Variants in ANKS1B observed in about 807,000 individuals in gnomAD.
ANKS1B encodes ankyrin repeat and sterile alpha motif domain-containing protein 1B.
ANKS1B carries 36 observed loss-of-function variants against 148.3 expected under a neutral mutation model. The ratio of observed to expected loss-of-function variants is 0.24; its 90% confidence interval spans 0.19 to 0.32. ANKS1B has a LOEUF of 0.32. Among genes scored for constraint, ANKS1B ranks in the 10% least tolerant of loss-of-function variants. The pLI is 1.00. For synonymous variants in ANKS1B, 542 were observed against 560.8 expected (o/e 0.97, Z 0.47); for missense variants, 1,157 against 1,542.6 (o/e 0.75, Z 4.19).
intron 11 of ANKS1B, among the ~76,000 whole-genome samples, chr12:99,414,411 A>G (rs1206868033): frequency 6.6e-6 from 1 of 152,220 alleles, no homozygotes; most frequent in Non-Finnish European, 1.5e-5. Flanking sequence ...TATTCACAAT[A>G]GCAAAGACTT....
chr12:99,426,999 T>C (rs78569968), intron 11 of ANKS1B, among the ~76,000 whole-genome samples: 2,947 of 152,290 alleles, frequency 0.019, 98 homozygotes, highest in African/African-American at 0.054. Flanking sequence ...TTCAACTCTA[T>C]GGTAAATATT....
intron 12 of ANKS1B, among the ~76,000 whole-genome samples, chr12:99,318,848 C>G (rs753042360): frequency 7.9e-5 from 12 of 151,880 alleles, no homozygotes; most frequent in Non-Finnish European, 1.8e-4. Flanking sequence ...TTAAATGTGT[C>G]CCAGAGATTC....
At chr12:99,655,843 G>A (rs973300937) in intron 8 of ANKS1B, among the ~76,000 whole-genome samples, 5 of 152,074 alleles carry the variant, frequency 3.3e-5, no homozygotes, top group South Asian at 2.1e-4. Context: ...GAAAACTTCT[G>A]GATAATGTTG....
At chr12:99,784,776 A>G (rs1426062259) in intron 4 of ANKS1B, among the ~76,000 whole-genome samples, 1 of 152,192 alleles carries the variant, frequency 6.6e-6, no homozygotes, top group African/African-American at 2.4e-5. Context: ...AACCATAAAC[A>G]TGTACGATAT....
intron 9 of ANKS1B, among the ~76,000 whole-genome samples, chr12:99,646,307 T>C (rs962388612): frequency 2.0e-5 from 3 of 152,120 alleles, no homozygotes; most frequent in African/African-American, 7.2e-5. Context: ...GTATCCAAAA[T>C]AATCAAACAT....
Position 99,369,261 on chromosome 12 carries a change from C to T in ANKS1B, c.1756+30370G>A, listed in dbSNP as rs939432737. Among the ~76,000 whole-genome samples, 7 of 152,218 alleles carry T rather than the reference C, an allele frequency of 4.6e-5. 1 individual carries two copies. In the Middle Eastern group the frequency reaches 0.01, roughly 222 times the overall value. Reference sequence around the variant, plus strand: ...TTGCCAAATGCTTAAGCTAGATGTGCCCAAGACTTTGGACCTAATATCCAG... The same window carrying T: ...TTGCCAAATGCTTAAGCTAGATGTGTCCAAGACTTTGGACCTAATATCCAG... On this transcript the variant is annotated intron_variant, in intron 12 of 26. Transcript: ENST00000683438.
chr12:99,763,222 A>G (rs1273610345), intron 8 of ANKS1B, among the ~76,000 whole-genome samples: 4 of 152,200 alleles, frequency 2.6e-5, no homozygotes, highest in African/African-American at 4.8e-5. Flanking sequence ...TCACAACAGC[A>G]AAGACATGGA....
In ANKS1B at chr12:98,744,673, TTTC is replaced by T. The variant is rs1352460273; in HGVS notation, c.*1063_*1065del. On this transcript the variant is annotated 3_prime_UTR_variant, in exon 27 of 27. Transcript: ENST00000683438. ...CAAGAAAAGTTTTATTACTTTGGAATTTCTTCTTTTTTTTTTTTGTATTTATTT... is the reference window on the plus strand; with the variant it reads ...CAAGAAAAGTTTTATTACTTTGGAATTTCTTTTTTTTTTTTGTATTTATTT... 3.4e-4 allele frequency: 323 copies of T among 944,018 alleles called. 1 individual carries two copies. The Admixed American group carries it at 3.9e-3, about 11-fold the overall frequency. 58.5% of individuals were successfully genotyped at this position (944,018 alleles called of 1,614,324 possible).
chr12:98,927,247 G>A (rs985670773), intron 17 of ANKS1B, among the ~76,000 whole-genome samples: 3 of 152,040 alleles, frequency 2.0e-5, no homozygotes, highest in South Asian at 2.1e-4. Context: ...TTTACATCCA[G>A]CAAAACCACC....
At chr12:99,802,876 C>T (rs1486714075) in intron 4 of ANKS1B, among the ~76,000 whole-genome samples, 1 of 150,682 alleles carries the variant, frequency 6.6e-6, no homozygotes, top group Non-Finnish European at 1.5e-5. Context: ...TGCACCACTG[C>T]CCTCCAGCCT....
chr12:99,654,215 CAT>C (rs138327635), intron 9 of ANKS1B, among the ~76,000 whole-genome samples: 154 of 152,238 alleles, frequency 1.0e-3, no homozygotes, highest in African/African-American at 3.6e-3. Flanking sequence ...ATGATACAGA[CAT>C]GTGGAAGACG....
At chr12:99,846,133 T>A (rs977843121) in intron 1 of ANKS1B, among the ~76,000 whole-genome samples, 1 of 152,134 alleles carries the variant, frequency 6.6e-6, no homozygotes. Flanking sequence ...CTTGGCTTTA[T>A]CTCTTGAAAA....
intron 1 of ANKS1B, among the ~76,000 whole-genome samples, chr12:99,979,908 T>C (rs1165360651): frequency 1.3e-5 from 2 of 152,004 alleles, no homozygotes; most frequent in African/African-American, 2.4e-5. Context: ...TTTGGGGATA[T>C]AGCACAGTGT....
intron 9 of ANKS1B, among the ~76,000 whole-genome samples, chr12:99,632,763 A>ATTTT (rs1567523070): frequency 1.3e-5 from 1 of 79,764 alleles, no homozygotes; most frequent in African/African-American, 4.9e-5. Context: ...ATATATATAT[A>ATTTT]TATATTTTAA....
At chr12:99,288,594 A>C (rs1267781546) in intron 12 of ANKS1B, among the ~76,000 whole-genome samples, 1 of 152,082 alleles carries the variant, frequency 6.6e-6, no homozygotes, top group African/African-American at 2.4e-5. Flanking sequence ...CCAATCAAAA[A>C]TAATAATGGG....
rs147100055 is a variant in ANKS1B at position 99,405,756 on chromosome 12, T to TA, written c.1576-5946dup. The stretch of plus-strand genomic sequence containing the variant: ...AAAGACAGAGAGTAGCTGAATGGGT[T>TA]AAAAAAAAAAGACCCAACAATCTAT... On this transcript the variant is annotated intron_variant, in intron 11 of 26. Transcript: ENST00000683438. Among the ~76,000 whole-genome samples the TA allele has an allele frequency of 1.5e-3, 204 of 136,518 alleles. 25 individuals carry two copies. Among genetic ancestry groups the TA allele is most frequent in the Non-Finnish European group, 1.9e-3 (117 of 62,446 alleles). The allele number at this position is 136,518 out of a possible 152,430, so 89.6% of individuals were successfully genotyped here.
intron 25 of ANKS1B, among the ~76,000 whole-genome samples, chr12:98,765,297 C>T (rs1278993022): frequency 2.0e-5 from 3 of 152,186 alleles, no homozygotes; most frequent in South Asian, 2.1e-4. Flanking sequence ...CAGAGTCTTG[C>T]TCAGTCACCC....
At chr12:99,137,706 C>T (rs2068636340) in intron 15 of ANKS1B, among the ~76,000 whole-genome samples, 1 of 152,058 alleles carries the variant, frequency 6.6e-6, no homozygotes, top group South Asian at 2.1e-4. Flanking sequence ...TCTTCCCCTG[C>T]CCACTAACTG....
intron 8 of ANKS1B, among the ~76,000 whole-genome samples, chr12:99,759,444 G>GAAA: frequency 6.6e-6 from 1 of 151,910 alleles, no homozygotes; most frequent in Non-Finnish European, 1.5e-5. Flanking sequence ...GATAAAATAT[G>GAAA]TTGAAGCATG....
Sources: allele counts gnomAD v4.1 joint callset (sites outside exome capture counted in the v4.1 genomes callset), GRCh38; gene constraint gnomAD v4.1.1; transcripts MANE v1.5; gene names NCBI Gene and HGNC (gene_info 2026-07-23, HGNC 2026-07-21).